Variants in KCNAB1 observed in about 807,000 individuals in gnomAD.
KCNAB1 encodes voltage-gated potassium channel subunit beta-1.
A neutral mutation model predicts 64.6 loss-of-function variants in KCNAB1; 35 were observed. That is an observed-to-expected ratio of 0.54 (90% CI 0.41 to 0.72). KCNAB1 has a LOEUF of 0.72. KCNAB1 is among the 30% of genes least tolerant of loss of function. KCNAB1 has a pLI of 0.00. For missense variants in KCNAB1, 401 were observed against 512.9 expected (o/e 0.78, Z 2.11); for synonymous variants, 177 against 183.8 (o/e 0.96, Z 0.30).
At chr3:156,403,151 C>A (rs563393147) in intron 1 of KCNAB1, among the ~76,000 whole-genome samples, 1 of 152,334 alleles carries the variant, frequency 6.6e-6, no homozygotes, top group Admixed American at 6.5e-5. Flanking sequence ...AAAGGTGAAA[C>A]TCTCTATCAG....
At position 156,536,934 on chromosome 3, in the gene KCNAB1, A is replaced by AAAATCCATTCT. The variant is rs1429651839; in HGVS notation, c.*189_*199dup. ...GCACATCTGAAAACTCACAACCAAG[A>AAAATCCATTCT]AAATCCATTCTATTTTCTTATCTTG... On this transcript the variant is annotated 3_prime_UTR_variant, in exon 14 of 14. Coordinates refer to ENST00000490337, the MANE Select transcript of KCNAB1 (RefSeq NM_172160.3). 3 of 596,776 alleles carry AAAATCCATTCT rather than the reference A, an allele frequency of 5.0e-6. No homozygotes were observed. In the African/African-American group the frequency reaches 5.6e-5, roughly 11 times the overall value. 37.0% of individuals were successfully genotyped at this position (596,776 alleles called of 1,614,324 possible). A position where few individuals can be genotyped will look rare whatever the true frequency, so the allele number is the denominator to read the frequency against.
intron 1 of KCNAB1, among the ~76,000 whole-genome samples, chr3:156,340,223 C>G (rs1372486040): frequency 6.6e-6 from 1 of 152,032 alleles, no homozygotes; most frequent in African/African-American, 2.4e-5. Context: ...GAATTCAGCT[C>G]AAGTCAAAGG....
At chr3:156,471,916 G>C (rs1713930017) in intron 7 of KCNAB1, among the ~76,000 whole-genome samples, 1 of 152,178 alleles carries the variant, frequency 6.6e-6, no homozygotes, top group African/African-American at 2.4e-5. Flanking sequence ...TTTTGTCCTT[G>C]GACAGATGAG....
At chr3:156,147,923 A>C (rs1715134586) in intron 1 of KCNAB1, among the ~76,000 whole-genome samples, 1 of 143,926 alleles carries the variant, frequency 6.9e-6, no homozygotes, top group Non-Finnish European at 1.5e-5. Flanking sequence ...CCCAACCTCC[A>C]TCCCACCACA....
intron 1 of KCNAB1, among the ~76,000 whole-genome samples, chr3:156,272,304 C>T (rs971204401): frequency 1.2e-4 from 19 of 152,228 alleles, no homozygotes; most frequent in Admixed American, 1.0e-3. Context: ...GTGGCAAGTT[C>T]CCCTGGGCCC....
intron 7 of KCNAB1, among the ~76,000 whole-genome samples, chr3:156,471,520 C>T (rs1300748968): frequency 3.9e-5 from 6 of 152,184 alleles, no homozygotes; most frequent in Non-Finnish European, 7.3e-5. Context: ...TGGGTTAGTG[C>T]GGAGGCACAG....
At chr3:156,183,358 G>A (rs944611559) in intron 1 of KCNAB1, among the ~76,000 whole-genome samples, 9 of 152,174 alleles carry the variant, frequency 5.9e-5, no homozygotes, top group African/African-American at 2.2e-4. Flanking sequence ...TTGAGGCCAC[G>A]GGATTCGGTA....
upstream of KCNAB1, among the ~76,000 whole-genome samples, chr3:156,120,097 C>T (rs886403084): frequency 5.1e-4 from 77 of 152,158 alleles, no homozygotes; most frequent in African/African-American, 1.7e-3. Flanking sequence ...TTCAGGTTTG[C>T]ACAAGAGAAA....
rs542198900 is a variant in KCNAB1, at chr3:156,519,283, A to G, written c.960+2919A>G. Among the ~76,000 whole-genome samples the G allele has an allele frequency of 2.6e-5, 4 of 152,370 alleles. No individual in the cohort carries two copies. The East Asian group carries it at 7.7e-4, about 29-fold the overall frequency. ...CAATCATTGCTTATAGGACAAAGCCATAACTTTGTCATAAAGCATTCAAGG... is the reference window on the plus strand; with the variant it reads ...CAATCATTGCTTATAGGACAAAGCCGTAACTTTGTCATAAAGCATTCAAGG... On this transcript the variant is annotated intron_variant, in intron 11 of 13. Coordinates refer to ENST00000490337, the MANE Select transcript of KCNAB1 (RefSeq NM_172160.3).
At chr3:156,485,677 A>G (rs1715154753) in intron 8 of KCNAB1, among the ~76,000 whole-genome samples, 1 of 151,958 alleles carries the variant, frequency 6.6e-6, no homozygotes, top group Non-Finnish European at 1.5e-5. Context: ...TTGGGCTTCT[A>G]GTGAACTGAT....
chr3:156,166,605 A>T (rs1711585719), intron 1 of KCNAB1, among the ~76,000 whole-genome samples: 2 of 152,102 alleles, frequency 1.3e-5, no homozygotes, highest in Non-Finnish European at 2.9e-5. Context: ...CATGAATATC[A>T]GCAAGATCCC....
In KCNAB1 at chr3:156,445,052, C is replaced by T. The variant is rs150454622; in HGVS notation, c.320-7847C>T. 3.9e-3 allele frequency among the ~76,000 whole-genome samples: 587 copies of T among 152,330 alleles called. 7 individuals are homozygous for T. Among genetic ancestry groups the T allele is most frequent in the African/African-American group, 0.014 (571 of 41,576 alleles). On this transcript the variant is annotated intron_variant, in intron 2 of 13. Coordinates refer to ENST00000490337, the MANE Select transcript of KCNAB1 (RefSeq NM_172160.3). ...GTGGCTCACGCCTGTAATACCACCA[C>T]TTTGGGAGGCTGCGGTGGGCGGATC...
At chr3:156,223,775 T>C (rs1715953055) in intron 1 of KCNAB1, among the ~76,000 whole-genome samples, 1 of 152,190 alleles carries the variant, frequency 6.6e-6, no homozygotes, top group African/African-American at 2.4e-5. Flanking sequence ...TGCTGATTGG[T>C]GTATTCACAA....
chr3:156,480,258 A>G (rs1433594957), intron 8 of KCNAB1, among the ~76,000 whole-genome samples: 6 of 152,160 alleles, frequency 3.9e-5, no homozygotes, highest in African/African-American at 1.2e-4. Flanking sequence ...TGCAAATATT[A>G]TCAGGGAGCT....
Position 156,452,334 on chromosome 3 carries a change from C to G in KCNAB1, c.320-565C>G, listed in dbSNP as rs974610443. 1.3e-5 allele frequency among the ~76,000 whole-genome samples: 2 copies of G among 152,234 alleles called. No homozygotes were observed. Among genetic ancestry groups the G allele is most frequent in the Admixed American group, 1.3e-4 (2 of 15,282 alleles). On this transcript the variant is annotated intron_variant, in intron 2 of 13. Coordinates refer to ENST00000490337, the MANE Select transcript of KCNAB1 (RefSeq NM_172160.3). This position sits in a 1 kb window ranked among gnomAD's most constrained non-coding sequence, Gnocchi z 4.6. ...GCTGCTGTCTCCACTCTCACCCAAA[C>G]CAGTGGAGATTTCCATTCTGGAATG...
chr3:156,248,665 A>C (rs1038345403), intron 1 of KCNAB1, among the ~76,000 whole-genome samples: 2 of 152,114 alleles, frequency 1.3e-5, no homozygotes, highest in Admixed American at 6.5e-5. Flanking sequence ...AGGCCCATGG[A>C]GGCAAAGTAA....
intron 3 of KCNAB1, chr3:156,457,159 A>G: frequency 1.8e-6 from 2 of 1,125,858 alleles, no homozygotes; most frequent in Non-Finnish European, 1.1e-6. Flanking sequence ...GCCATAAAGA[A>G]TGTTGTCAAA....
At chr3:156,238,146 G>A (rs1292333261) in intron 1 of KCNAB1, among the ~76,000 whole-genome samples, 4 of 152,174 alleles carry the variant, frequency 2.6e-5, no homozygotes, top group East Asian at 3.9e-4. Flanking sequence ...GTTGCCGGCC[G>A]GGCGTGGTGG....
Position 156,225,784 on chromosome 3 carries a change from A to G in KCNAB1, c.275+104898A>G, listed in dbSNP as rs577985795. Among the ~76,000 whole-genome samples, 76 of 152,360 alleles carry G rather than the reference A, an allele frequency of 5.0e-4. 1 individual carries two copies. Among genetic ancestry groups the G allele is most frequent in the African/African-American group, 1.7e-3 (69 of 41,582 alleles). On this transcript the variant is annotated intron_variant, in intron 1 of 13. Transcript: ENST00000490337. ...CTCTGCTGTATACCAACAGCGACCA[A>G]GCTGAGAATCAAATCAAGAACTCAA...
Sources: allele counts gnomAD v4.1 joint callset (sites outside exome capture counted in the v4.1 genomes callset), GRCh38; gene constraint gnomAD v4.1.1; non-coding constraint Gnocchi (gnomAD v3.1); transcripts MANE v1.5; gene names NCBI Gene and HGNC (gene_info 2026-07-23, HGNC 2026-07-21).